AGMO: variants seen among roughly 807,000 people sequenced by gnomAD.
The protein encoded by AGMO is alkylglycerol monooxygenase, also known as glyceryl-ether monooxygenase.
A neutral mutation model predicts 60.2 loss-of-function variants in AGMO; 75 were observed. That is an observed-to-expected ratio of 1.25 (90% CI 1.03 to 1.51). The LOEUF is 1.51. AGMO is among the 40% of genes most tolerant of loss of function. The pLI, the probability that AGMO is intolerant of heterozygous loss-of-function variation, is 0.00. For missense variants in AGMO, 763 were observed against 525.5 expected (o/e 1.45, Z -4.42); for synonymous variants, 261 against 177.1 (o/e 1.47, Z -3.76).
intron 3 of AGMO, among the ~76,000 whole-genome samples, chr7:15,471,344 A>G (rs1782445635): frequency 6.6e-6 from 1 of 151,928 alleles, no homozygotes; most frequent in Admixed American, 6.6e-5. Context: ...GGTTTAATGC[A>G]AATAGTAAAA....
chr7:15,538,831 A>G (rs1784544559), intron 3 of AGMO, among the ~76,000 whole-genome samples: 1 of 152,232 alleles, frequency 6.6e-6, no homozygotes, highest in Non-Finnish European at 1.5e-5. Flanking sequence ...ACAGGGGTTC[A>G]CTTAATCAAA....
At chr7:15,354,596 G>A (rs1782448220) in intron 12 of AGMO, among the ~76,000 whole-genome samples, 2 of 137,488 alleles carry the variant, frequency 1.5e-5, no homozygotes, top group Non-Finnish European at 3.1e-5. Flanking sequence ...GTGATGGAAT[G>A]ATACATCTTG....
chr7:15,511,695 C>A (rs938602847), intron 3 of AGMO, among the ~76,000 whole-genome samples: 3 of 152,124 alleles, frequency 2.0e-5, no homozygotes, highest in African/African-American at 7.2e-5. Context: ...ACTTGATGTG[C>A]TAATCATTTC....
At chr7:15,386,507 A>C (rs543393118) in intron 9 of AGMO, among the ~76,000 whole-genome samples, 2 of 152,324 alleles carry the variant, frequency 1.3e-5, no homozygotes, top group East Asian at 3.9e-4. Context: ...CACCTATATC[A>C]AGTTGGTGGA....
chr7:15,236,553 G>A (rs971297057), intron 12 of AGMO, among the ~76,000 whole-genome samples: 1 of 152,004 alleles, frequency 6.6e-6, no homozygotes, highest in Non-Finnish European at 1.5e-5. Flanking sequence ...ATGGACATAA[G>A]AAATATACAG....
chr7:15,396,614 G>T (rs1457791862), intron 5 of AGMO: 1 of 151,986 alleles, frequency 6.6e-6, no homozygotes, highest in Admixed American at 6.6e-5. Context: ...TCCCTTATCC[G>T]GCCCCGCCCC....
At chr7:15,322,593 A>AAT (rs1182851054) in intron 12 of AGMO, among the ~76,000 whole-genome samples, 9 of 25,158 alleles carry the variant, frequency 3.6e-4, no homozygotes, top group Admixed American at 8.8e-4. Context: ...TAAATATATA[A>AAT]ATATATATAA....
intron 12 of AGMO, among the ~76,000 whole-genome samples, chr7:15,235,793 A>C (rs1782400773): frequency 1.3e-5 from 2 of 152,154 alleles, no homozygotes; most frequent in South Asian, 4.1e-4. Context: ...GAAGCAATTC[A>C]CTTTGGAAAG....
intron 12 of AGMO, among the ~76,000 whole-genome samples, chr7:15,313,775 T>C (rs1287877844): frequency 6.6e-6 from 1 of 151,892 alleles, no homozygotes; most frequent in Non-Finnish European, 1.5e-5. Context: ...ATGATAAAGT[T>C]TAATTTATAG....
intron 3 of AGMO, among the ~76,000 whole-genome samples, chr7:15,534,270 T>C (rs1784433442): frequency 6.6e-6 from 1 of 151,996 alleles, no homozygotes. Flanking sequence ...TTTTAAAATA[T>C]AGGCAAAATG....
At chr7:15,413,946 A>C (rs1780684817) in intron 5 of AGMO, among the ~76,000 whole-genome samples, 1 of 152,228 alleles carries the variant, frequency 6.6e-6, no homozygotes, top group Non-Finnish European at 1.5e-5. Flanking sequence ...ATTCCTTTAA[A>C]TATAACTGAC....
At chr7:15,354,382 A>ACG (rs1782393544) in intron 12 of AGMO, among the ~76,000 whole-genome samples, 1 of 47,694 alleles carries the variant, frequency 2.1e-5, no homozygotes, top group Non-Finnish European at 3.6e-5. Context: ...GTGTGTATAC[A>ACG]CGTGTGTGTA....
chr7:15,193,014 T>C, the AGMO span, among the ~76,000 whole-genome samples: 1 of 152,246 alleles, frequency 6.6e-6, no homozygotes, highest in South Asian at 2.1e-4. Context: ...TTTAATAGCA[T>C]GCCAGTGGCA....
At chr7:15,163,438 T>C in the AGMO span, among the ~76,000 whole-genome samples, 1 of 152,288 alleles carries the variant, frequency 6.6e-6, no homozygotes, top group East Asian at 1.9e-4. Flanking sequence ...CTCCATCCAA[T>C]ATGATGTTGA....
At chr7:15,149,250 C>T in the AGMO span, among the ~76,000 whole-genome samples, 3 of 152,040 alleles carry the variant, frequency 2.0e-5, no homozygotes, top group Admixed American at 6.5e-5. Context: ...TAAATATTTT[C>T]TCCCATTCTG....
At chr7:15,175,353 T>C in the AGMO span, among the ~76,000 whole-genome samples, 6 of 151,926 alleles carry the variant, frequency 3.9e-5, no homozygotes, top group Admixed American at 1.3e-4. Context: ...AGAATCGCCA[T>C]AGTTAGTGTA....
At chr7:15,220,334 C>T (rs370313775) in intron 12 of AGMO, among the ~76,000 whole-genome samples, 56 of 151,414 alleles carry the variant, frequency 3.7e-4, no homozygotes, top group African/African-American at 1.3e-3. Flanking sequence ...ATTCTCCTGC[C>T]TCAGCCTCCC....
At chr7:15,469,168 T>C (rs1782372248) in intron 3 of AGMO, among the ~76,000 whole-genome samples, 2 of 152,060 alleles carry the variant, frequency 1.3e-5, no homozygotes, top group African/African-American at 4.8e-5. Context: ...TCTAGACCAA[T>C]CTCACATGTG....
chr7:15,552,244 C>G (rs979642735), intron 2 of AGMO, among the ~76,000 whole-genome samples: 1 of 152,148 alleles, frequency 6.6e-6, no homozygotes, highest in African/African-American at 2.4e-5. Flanking sequence ...CATTACCATT[C>G]GGGACATAGG....
Sources: allele counts gnomAD v4.1 joint callset (sites outside exome capture counted in the v4.1 genomes callset), GRCh38; gene constraint gnomAD v4.1.1; transcripts MANE v1.5; gene names NCBI Gene and HGNC (gene_info 2026-07-23, HGNC 2026-07-21).